C5: variants seen among roughly 807,000 people sequenced by gnomAD.
The protein encoded by C5 is complement C5.
A neutral mutation model predicts 218.8 loss-of-function variants in C5; 140 were observed. The observed-to-expected ratio is 0.64, with a 90% CI of 0.56 to 0.74. C5 has a LOEUF of 0.74. Among genes scored for constraint, C5 ranks in the 30% least tolerant of loss-of-function variants. The probability of loss-of-function intolerance (pLI) is 0.00; values close to 1 mark genes in which losing one functional copy is unlikely to be tolerated. For synonymous variants in C5, 614 were observed against 682.3 expected, an observed-to-expected ratio of 0.90 and a Z score of 1.56; for missense variants, 1,700 against 1,969.6, an observed-to-expected ratio of 0.86 and a Z score of 2.59.
chr9:121,024,469 T>G (rs1436048864), intron 9 of C5, among the ~76,000 whole-genome samples: 1 of 152,026 alleles, frequency 6.6e-6, no homozygotes, highest in Non-Finnish European at 1.5e-5. Context: ...CATTTGAAGC[T>G]TTAATATTCC....
intron 5 of C5, among the ~76,000 whole-genome samples, chr9:121,033,510 G>C (rs1313125252): frequency 6.6e-6 from 1 of 152,226 alleles, no homozygotes; most frequent in Admixed American, 6.5e-5. Context: ...CATGTGCAAA[G>C]GCACGGAGGT....
the C5 span, among the ~76,000 whole-genome samples, chr9:121,064,850 A>C: frequency 6.6e-6 from 1 of 152,186 alleles, no homozygotes; most frequent in Non-Finnish European, 1.5e-5. Context: ...GGATCAGCTG[A>C]GGTCAGGAGT....
upstream of C5, among the ~76,000 whole-genome samples, chr9:121,054,999 C>T (rs950776458): frequency 2.0e-5 from 3 of 152,128 alleles, no homozygotes; most frequent in African/African-American, 7.2e-5. Context: ...GCATTACTTA[C>T]TATTGACTTT....
chr9:120,978,928 G>GCT (rs2046971798), intron 28 of C5, among the ~76,000 whole-genome samples: 1 of 152,118 alleles, frequency 6.6e-6, no homozygotes, highest in African/African-American at 2.4e-5. Flanking sequence ...GGCACTCCTT[G>GCT]CTCTAGGTGG....
At chr9:121,055,021 C>T (rs1439089133), upstream of C5, among the ~76,000 whole-genome samples, 2 of 152,136 alleles carry the variant, frequency 1.3e-5, no homozygotes, top group East Asian at 3.9e-4. Context: ...AGCCTTTAGA[C>T]AATAGCTTAA....
chr9:120,964,691 GT>G (rs1451539684), intron 33 of C5, among the ~76,000 whole-genome samples: 1 of 151,780 alleles, frequency 6.6e-6, no homozygotes, highest in African/African-American at 2.4e-5. Context: ...GGAGGGTTTT[GT>G]TTTTGTTTTT....
chr9:120,992,135 G>A (rs1021234463), intron 22 of C5, among the ~76,000 whole-genome samples: 1 of 152,196 alleles, frequency 6.6e-6, no homozygotes, highest in Non-Finnish European at 1.5e-5. Flanking sequence ...CTGGCACTTA[G>A]CACAGACCCT....
chr9:120,960,096 T>C, intron 38 of C5, 152 bp downstream of exon 38: 1 of 640,092 alleles, frequency 1.6e-6, no homozygotes, highest in Admixed American at 2.5e-5. Flanking sequence ...ACTTTGCATG[T>C]TAATGCTAAA....
At position 121,016,254 on chromosome 9, in the gene C5, C is replaced by G; in HGVS notation, c.1996G>C (p.Asp666His). 7 of 1,613,826 alleles carry G rather than the reference C, an allele frequency of 4.3e-6. No homozygotes were observed. The highest frequency in any genetic ancestry group is 5.9e-6 in the Non-Finnish European group (7 of 1,179,838). The change falls in exon 15 of 41, where the codon GAT (aspartate) becomes CAT (histidine). Residue 666 changes from aspartate (D) to histidine (H), a missense_variant and splice_region_variant. By Grantham distance (81) the Asp-to-His change is moderately conservative. Transcript: ENST00000223642. ...NANADDSQEN[D>H]EPCKEILRPR... ...GTAATAAACATGCTGAGCATTTTAC[C>G]ATTTTCTTGGGAGTCATCTGCATTT...
chr9:120,991,249 G>T lies in C5; in HGVS notation c.2883C>A (p.Tyr961Ter). ...GTISRRKEFPYRIPLDLVPKT... is the reference protein window; with the variant it reads ...GTISRRKEFP ...TGGGGACCAAATCTAAGGGTATCCTGTATGGGAACTCCTTTCGTCTGCTAA... is the reference window on the plus strand; with the variant it reads ...TGGGGACCAAATCTAAGGGTATCCTTTATGGGAACTCCTTTCGTCTGCTAA... The change falls in exon 23 of 41, where the codon TAC becomes TAA. Residue 961 changes from tyrosine to a stop codon, truncating the protein, a stop_gained. Coordinates refer to ENST00000223642, the MANE Select transcript of C5 (RefSeq NM_001735.3). LOFTEE classifies it high-confidence loss of function. 1 of 1,610,906 alleles carries T rather than the reference G, an allele frequency of 6.2e-7. No individual in the cohort carries two copies. Among genetic ancestry groups the T allele is most frequent in the Non-Finnish European group, 8.5e-7 (1 of 1,177,086 alleles).
At chr9:120,987,900 C>T (rs1239025784) in intron 25 of C5, among the ~76,000 whole-genome samples, 2 of 151,992 alleles carry the variant, frequency 1.3e-5, no homozygotes, top group Admixed American at 1.3e-4. Context: ...TTAAGTGATT[C>T]TCCTGCCTCA....
the C5 span, among the ~76,000 whole-genome samples, chr9:121,071,929 A>G: frequency 7.9e-5 from 12 of 152,366 alleles, no homozygotes; most frequent in East Asian, 2.1e-3. Context: ...AATGCAACTC[A>G]GAGTACATTC....
intron 19 of C5, 114 bp from the exon 20 acceptor site, chr9:121,006,172 C>T: frequency 1.0e-6 from 1 of 995,726 alleles, no homozygotes; most frequent in South Asian, 1.4e-5. Flanking sequence ...AATATTAGAT[C>T]ATGTTTTTCT....
At chr9:121,044,546 A>C (rs2047609616) in intron 2 of C5, among the ~76,000 whole-genome samples, 1 of 152,216 alleles carries the variant, frequency 6.6e-6, no homozygotes, top group Admixed American at 6.5e-5. Context: ...GTAGCACGTA[A>C]TAAATGAGAT....
chr9:120,979,934 GCACA>G, intron 28 of C5, 145 bp downstream of exon 28: 1 of 691,554 alleles, frequency 1.4e-6, no homozygotes, highest in African/African-American at 1.8e-5. Flanking sequence ...ATGAATAACG[GCACA>G]CATTACATCG....
chr9:121,002,220 A>ATG (rs1186416025), intron 20 of C5, among the ~76,000 whole-genome samples: 862 of 46,692 alleles, frequency 0.018, 64 homozygotes, highest in Middle Eastern at 0.06. Flanking sequence ...ATATACGTAT[A>ATG]TATATATATG....
intron 14 of C5, 81 bp from the exon 15 acceptor site, chr9:121,016,464 A>G (rs753639121): frequency 6.4e-7 from 1 of 1,554,430 alleles, no homozygotes; most frequent in Admixed American, 1.7e-5. Flanking sequence ...TAATTGTTAC[A>G]TGGTTATCAC....
the C5 span, among the ~76,000 whole-genome samples, chr9:121,064,447 T>C: frequency 6.6e-6 from 1 of 152,048 alleles, no homozygotes; most frequent in African/African-American, 2.4e-5. Flanking sequence ...CTGATAGTTC[T>C]TATTAGACCC....
At chr9:121,072,632 C>T in the C5 span, among the ~76,000 whole-genome samples, 2 of 151,730 alleles carry the variant, frequency 1.3e-5, no homozygotes, top group African/African-American at 4.8e-5. Context: ...CATGGTGAAA[C>T]TCTGTTTCTA....
Sources: allele counts gnomAD v4.1 joint callset (sites outside exome capture counted in the v4.1 genomes callset), GRCh38; gene constraint gnomAD v4.1.1; transcripts MANE v1.5; gene names NCBI Gene and HGNC (gene_info 2026-07-23, HGNC 2026-07-21).